ABCG1: variants seen among roughly 807,000 people sequenced by gnomAD.
The protein encoded by ABCG1 is ATP-binding cassette sub-family G member 1.
Under a neutral mutation model 69.2 loss-of-function variants are expected in ABCG1, and 29 were observed. That is an observed-to-expected ratio of 0.42 (90% CI 0.31 to 0.57). ABCG1 has a LOEUF of 0.57. ABCG1 is among the 20% of genes least tolerant of loss of function. The pLI, the probability that ABCG1 is intolerant of heterozygous loss-of-function variation, is 0.15. For missense variants in ABCG1, 718 were observed against 898.1 expected (o/e 0.80, Z 2.56); for synonymous variants, 370 against 374.8 (o/e 0.99, Z 0.15).
intron 4 of ABCG1, among the ~76,000 whole-genome samples, chr21:42,275,991 C>T (rs2068702446): frequency 2.0e-5 from 3 of 150,528 alleles, no homozygotes; most frequent in Non-Finnish European, 3.0e-5. Context: ...CTTTGCCCCA[C>T]ACCCCGCCCC....
At chr21:42,241,620 C>A (rs77321313) in intron 2 of ABCG1, among the ~76,000 whole-genome samples, 81 of 144,374 alleles carry the variant, frequency 5.6e-4, no homozygotes, top group African/African-American at 1.9e-3. Flanking sequence ...AAAAAAATAA[C>A]AAAAAAAAAA....
rs2069226428 is a variant in ABCG1 at position 42,297,087 on chromosome 21, G to T, written c.*695G>T. ...GTGAAGGATTGAATGCAGGTTCCAGGTGGAGGGAAGACGTGGACACCATCT... is the reference window on the plus strand; with the variant it reads ...GTGAAGGATTGAATGCAGGTTCCAGTTGGAGGGAAGACGTGGACACCATCT... On this transcript the variant is annotated 3_prime_UTR_variant, in exon 15 of 15. Coordinates refer to ENST00000398449, the MANE Select transcript of ABCG1 (RefSeq NM_016818.3). 6.6e-6 allele frequency: 1 copy of T among 152,610 alleles called. No homozygotes were observed. Among genetic ancestry groups the T allele is most frequent in the African/African-American group, 2.4e-5 (1 of 41,452 alleles). The allele number at this position is 152,610 out of a possible 1,614,324, so 9.5% of individuals were successfully genotyped here.
In ABCG1 at chr21:42,205,018, G is replaced by GTTTTT. The variant is rs746194754; in HGVS notation, c.48+3304_48+3308dup. On this transcript the variant is annotated intron_variant, in intron 2 of 15. Transcript: ENST00000398457. Reference sequence around the variant, plus strand: ...TGGAGAATTAGGTGTTGTTTTTGTTGTTTTTTTTTTTTTGAGTTTTCAAAA... The same window carrying GTTTTT: ...TGGAGAATTAGGTGTTGTTTTTGTTGTTTTTTTTTTTTTTTTTTGAGTTTTCAAAA... Among the ~76,000 whole-genome samples, 1,051 of 135,198 alleles carry GTTTTT rather than the reference G, an allele frequency of 7.8e-3. 15 individuals carry two copies. The highest frequency in any genetic ancestry group is 0.027 in the African/African-American group (994 of 37,102). 88.7% of individuals were successfully genotyped at this position (135,198 alleles called of 152,430 possible). A position where few individuals can be genotyped will look rare whatever the true frequency, so the allele number is the denominator to read the frequency against.
intron 2 of ABCG1, among the ~76,000 whole-genome samples, chr21:42,239,580 G>A (rs1601375222): frequency 6.6e-6 from 1 of 152,254 alleles, no homozygotes; most frequent in African/African-American, 2.4e-5. Flanking sequence ...GCTGCCCTTT[G>A]AGAGTGGAGG....
rs771527268 is a variant in ABCG1, at chr21:42,284,622, G to T, written c.797G>T (p.Gly266Val). Reference protein sequence around the residue: ...VSLMKGLAQGGRSIICTIHQP... With the variant: ...VSLMKGLAQGVRSIICTIHQP... The stretch of plus-strand genomic sequence containing the variant: ...CTGATGAAAGGGCTCGCTCAAGGGG[G>T]TCGCTCCATCATTTGCACCATCCAC... Residue 266 changes from glycine to valine, a missense_variant, in exon 7 of 15, where the codon GGT (glycine) becomes GTT (valine). Physicochemically the swap from Gly to Val is moderately radical, Grantham distance 109 (BLOSUM62 -3). Coordinates refer to ENST00000398449, the MANE Select transcript of ABCG1 (RefSeq NM_016818.3). The T allele has an allele frequency of 1.2e-6, 2 of 1,614,006 alleles. No individual in the cohort carries two copies. Among genetic ancestry groups the T allele is most frequent in the Non-Finnish European group, 8.5e-7 (1 of 1,180,034 alleles).
intron 2 of ABCG1, among the ~76,000 whole-genome samples, chr21:42,251,936 G>A (rs760963140): frequency 2.6e-5 from 4 of 152,228 alleles, no homozygotes; most frequent in Admixed American, 6.5e-5. Context: ...CTCCGTGTCC[G>A]TCGAATCTGA....
chr21:42,259,181 A>G (rs2068360987), intron 2 of ABCG1: 1 of 1,392,530 alleles, frequency 7.2e-7, no homozygotes, highest in African/African-American at 1.5e-5. Flanking sequence ...GGTGTGAGAG[A>G]GACGACATTG....
chr21:42,284,806 C>T (rs2068908071), intron 7 of ABCG1, 123 bp downstream of exon 7: 1 of 1,322,724 alleles, frequency 7.6e-7, no homozygotes, highest in African/African-American at 1.5e-5. Flanking sequence ...GACACCAAAC[C>T]CTGGGTACCC....
chr21:42,244,562 T>C (rs545578414), intron 2 of ABCG1, among the ~76,000 whole-genome samples: 17 of 151,892 alleles, frequency 1.1e-4, no homozygotes, highest in African/African-American at 3.9e-4. Flanking sequence ...ATTCCCACTC[T>C]TTTTTTTGGT....
Position 42,273,349 on chromosome 21 carries a change from G to C in ABCG1, c.451G>C (p.Asp151His). 1 of 1,613,878 alleles carries C rather than the reference G, an allele frequency of 6.2e-7. No individual in the cohort carries two copies. The highest frequency in any genetic ancestry group is 8.5e-7 in the Non-Finnish European group (1 of 1,179,984). Reference protein sequence around the residue: ...GAVLINGLPRDLRCFRKVSCY... With the variant: ...GAVLINGLPRHLRCFRKVSCY... ...CGTCCTCATCAACGGCCTGCCCCGG[G>C]ACCTGCGCTGCTTCCGGAAGGTGTC... Residue 151 changes from aspartate to histidine, a missense_variant, in exon 4 of 15, where the codon GAC (aspartate) becomes CAC (histidine). Physicochemically the swap from Asp to His is moderately conservative, Grantham distance 81 (BLOSUM62 -1). Coordinates refer to ENST00000398449, the MANE Select transcript of ABCG1 (RefSeq NM_016818.3). The surrounding 1 kb of genome is among the most constrained non-coding windows in gnomAD (Gnocchi z 5.3).
At chr21:42,232,565 G>A (rs1227072471) in intron 2 of ABCG1, among the ~76,000 whole-genome samples, 2 of 152,206 alleles carry the variant, frequency 1.3e-5, no homozygotes, top group Non-Finnish European at 2.9e-5. Context: ...GGCCCCTTCA[G>A]TGCAACTCTG....
intron 2 of ABCG1, among the ~76,000 whole-genome samples, chr21:42,253,630 G>A (rs775415542): frequency 6.6e-6 from 1 of 152,098 alleles, no homozygotes; most frequent in South Asian, 2.1e-4. Context: ...AACCCTAAAG[G>A]GAAACCGCAC....
intron 13 of ABCG1, among the ~76,000 whole-genome samples, chr21:42,292,930 AC>A (rs2069099792): frequency 6.8e-6 from 1 of 146,096 alleles, no homozygotes; most frequent in African/African-American, 2.6e-5. Flanking sequence ...CATACTACAC[AC>A]CACACACTAA....
intron 2 of ABCG1, among the ~76,000 whole-genome samples, chr21:42,255,400 G>T (rs1377973865): frequency 2.0e-5 from 3 of 152,154 alleles, no homozygotes; most frequent in African/African-American, 7.2e-5. Context: ...AGACGTGTAT[G>T]TGATGTGTGT....
chr21:42,217,757 T>A (rs540268194), upstream of ABCG1, among the ~76,000 whole-genome samples: 2 of 134,020 alleles, frequency 1.5e-5, no homozygotes, highest in South Asian at 5.4e-4. Flanking sequence ...AGTGGCTCAA[T>A]CTCGGCTCAC....
At chr21:42,289,155 CT>C in intron 10 of ABCG1, among the ~76,000 whole-genome samples, 1 of 152,316 alleles carries the variant, frequency 6.6e-6, no homozygotes, top group South Asian at 2.1e-4. Context: ...CACTGTAATG[CT>C]GCAGTAACAA....
In ABCG1 at chr21:42,225,999, G is replaced by A. The variant is rs1457990909; in HGVS notation, c.286+85G>A. ...GTTGTTTGGGCAAAATCGGGGTCTG[G>A]AGGTTGAGAGGCTGAGCTTCTCTTC... On this transcript the variant is annotated intron_variant, in intron 2 of 14. Coordinates refer to ENST00000398449, the MANE Select transcript of ABCG1 (RefSeq NM_016818.3). The A allele has an allele frequency of 9.4e-6, 14 of 1,488,618 alleles. No homozygotes were observed. The Admixed American group carries it at 1.8e-4, about 19-fold the overall frequency. The allele number at this position is 1,488,618 out of a possible 1,614,324, so 92.2% of individuals were successfully genotyped here. A position where few individuals can be genotyped will look rare whatever the true frequency, so the allele number is the denominator to read the frequency against.
At chr21:42,283,677 A>AC (rs1374728388) in intron 6 of ABCG1, among the ~76,000 whole-genome samples, 3 of 110,510 alleles carry the variant, frequency 2.7e-5, no homozygotes, top group African/African-American at 7.1e-5. Context: ...TGAGTGGGGA[A>AC]CCCCCACCTC....
upstream of ABCG1, among the ~76,000 whole-genome samples, chr21:42,212,892 A>T (rs1485066835): frequency 2.0e-5 from 3 of 152,138 alleles, no homozygotes; most frequent in African/African-American, 7.2e-5. Flanking sequence ...ATGGGGTTTC[A>T]CCATGTTAGC....
Sources: allele counts gnomAD v4.1 joint callset (sites outside exome capture counted in the v4.1 genomes callset), GRCh38; gene constraint gnomAD v4.1.1; non-coding constraint Gnocchi (gnomAD v3.1); transcripts MANE v1.5; gene names NCBI Gene and HGNC (gene_info 2026-07-23, HGNC 2026-07-21).